The following LARGE1 variants were observed in gnomAD, a reference collection of about 807,000 sequenced individuals.
The protein encoded by LARGE1 is LARGE xylosyl- and glucuronyltransferase 1.
LARGE1 carries 43 observed loss-of-function variants against 87.6 expected under a neutral mutation model. That is an observed-to-expected ratio of 0.49 (90% confidence interval 0.38 to 0.63). LARGE1 has a LOEUF of 0.63. Ranked by LOEUF, LARGE1 falls within the 30% of genes least tolerant of loss-of-function variation. The pLI is 0.00. For missense variants in LARGE1, 802 were observed against 1,000.2 expected, an observed-to-expected ratio of 0.80 and a Z score of 2.67; for synonymous variants, 434 against 394.6, an observed-to-expected ratio of 1.10 and a Z score of -1.18.
At chr22:33,784,745 T>A (rs188739976) in intron 1 of LARGE1, among the ~76,000 whole-genome samples, 1 of 151,998 alleles carries the variant, frequency 6.6e-6, no homozygotes, top group Non-Finnish European at 1.5e-5. Flanking sequence ...TATTTGTACA[T>A]AAACAATATA....
intron 1 of LARGE1, among the ~76,000 whole-genome samples, chr22:33,789,318 C>T (rs1175431849): frequency 6.6e-6 from 1 of 152,168 alleles, no homozygotes; most frequent in African/African-American, 2.4e-5. Context: ...TTTGGGAACC[C>T]CTGCCTGGAT....
intron 11 of LARGE1, among the ~76,000 whole-genome samples, chr22:33,225,095 C>T (rs1213235224): frequency 6.6e-6 from 1 of 152,214 alleles, no homozygotes; most frequent in Non-Finnish European, 1.5e-5. Flanking sequence ...TTGAGAAAGC[C>T]TCTGCTCAGC....
At chr22:33,180,778 G>C (rs1923119051) in intron 11 of LARGE1, among the ~76,000 whole-genome samples, 1 of 152,116 alleles carries the variant, frequency 6.6e-6, no homozygotes, top group South Asian at 2.1e-4. Flanking sequence ...CTGCAACCTG[G>C]ATAACTCTTG....
At chr22:33,196,052 C>A (rs1203763184) in intron 11 of LARGE1, among the ~76,000 whole-genome samples, 1 of 150,604 alleles carries the variant, frequency 6.6e-6, no homozygotes, top group Admixed American at 6.6e-5. Context: ...GCCACCACAC[C>A]TGGCCTAAAA....
intron 11 of LARGE1, among the ~76,000 whole-genome samples, chr22:33,236,871 C>T (rs766535994): frequency 3.9e-5 from 6 of 152,152 alleles, no homozygotes; most frequent in Non-Finnish European, 7.3e-5. Flanking sequence ...CTTAAGTAAG[C>T]GTCCTGGGCC....
chr22:33,602,260 T>C (rs1436479036), intron 5 of LARGE1, among the ~76,000 whole-genome samples: 1 of 152,220 alleles, frequency 6.6e-6, no homozygotes, highest in East Asian at 1.9e-4. Context: ...AAATTAGTTT[T>C]TTCCCAATCA....
At position 33,364,886 on chromosome 22, in the gene LARGE1, G is replaced by A. The variant is rs142734485; in HGVS notation, c.1131+17033C>T. 3.1e-3 allele frequency among the ~76,000 whole-genome samples: 473 copies of A among 151,996 alleles called. 5 individuals carry two copies. Among genetic ancestry groups the A allele is most frequent in the African/African-American group, 0.01 (425 of 41,462 alleles). The stretch of plus-strand genomic sequence containing the variant: ...AATTTTTTATTTTTTGTAGAGACGG[G>A]GGTCTTACTATGTTGCCTAGGCTGG... On this transcript the variant is annotated intron_variant, in intron 9 of 14. Transcript: ENST00000397394.
intron 3 of LARGE1, among the ~76,000 whole-genome samples, chr22:33,633,742 A>G (rs953393179): frequency 6.6e-6 from 1 of 152,228 alleles, no homozygotes. Flanking sequence ...AGACAGGCTC[A>G]GCACAGATTC....
At chr22:33,312,754 G>A (rs1601403344) in intron 11 of LARGE1, among the ~76,000 whole-genome samples, 2 of 152,206 alleles carry the variant, frequency 1.3e-5, no homozygotes, top group African/African-American at 4.8e-5. Flanking sequence ...CTGAGTTTCA[G>A]TTAGCTCACG....
chr22:33,428,318 CTTT>C (rs34881147), intron 7 of LARGE1, among the ~76,000 whole-genome samples: 18 of 132,930 alleles, frequency 1.4e-4, no homozygotes, highest in Admixed American at 1.5e-4. Context: ...TTTGTTATGT[CTTT>C]TTTTTTTTTT....
chr22:33,483,817 C>A (rs1466480910), intron 6 of LARGE1, among the ~76,000 whole-genome samples: 2 of 152,118 alleles, frequency 1.3e-5, no homozygotes, highest in Non-Finnish European at 2.9e-5. Flanking sequence ...AATTGGAGAT[C>A]TGGAAGGAGT....
At chr22:33,750,665 G>A (rs950255346) in intron 2 of LARGE1, 5 of 151,738 alleles carry the variant, frequency 3.3e-5, no homozygotes. Context: ...ATTATCTAAT[G>A]TGGCTTGGGG....
intron 12 of LARGE1, among the ~76,000 whole-genome samples, chr22:33,297,093 T>C (rs544076164): frequency 1.1e-3 from 168 of 152,328 alleles, no homozygotes; most frequent in African/African-American, 3.9e-3. Context: ...GTAATGTCTC[T>C]GGGCAGGCAG....
At chr22:33,414,110 C>A (rs1352144238) in intron 7 of LARGE1, among the ~76,000 whole-genome samples, 4 of 152,010 alleles carry the variant, frequency 2.6e-5, no homozygotes, top group Non-Finnish European at 5.9e-5. Context: ...TTTGGAGGAA[C>A]CGCCATACTG....
At chr22:33,371,096 T>A (rs746613265) in intron 9 of LARGE1, among the ~76,000 whole-genome samples, 11 of 151,126 alleles carry the variant, frequency 7.3e-5, no homozygotes, top group Non-Finnish European at 1.5e-4. Context: ...ATACATATTA[T>A]ATAACATGCA....
chr22:33,825,078 A>T (rs2062741098), intron 1 of LARGE1, among the ~76,000 whole-genome samples: 1 of 152,226 alleles, frequency 6.6e-6, no homozygotes, highest in African/African-American at 2.4e-5. Context: ...TCATTCCAGC[A>T]GTTGATCAGT....
intron 2 of LARGE1, among the ~76,000 whole-genome samples, chr22:33,703,262 T>C (rs1336622827): frequency 6.7e-6 from 1 of 149,904 alleles, no homozygotes; most frequent in East Asian, 2.0e-4. Flanking sequence ...AAAACCCAGA[T>C]GACAGGCTGA....
chr22:33,903,091 C>T (rs2065331153), intron 1 of LARGE1, among the ~76,000 whole-genome samples: 2 of 152,146 alleles, frequency 1.3e-5, no homozygotes, highest in African/African-American at 4.8e-5. Flanking sequence ...GAGATCAAGC[C>T]ATTGCACTGC....
intron 7 of LARGE1, among the ~76,000 whole-genome samples, chr22:33,417,905 C>T (rs1480378044): frequency 6.6e-6 from 1 of 152,226 alleles, no homozygotes; most frequent in Non-Finnish European, 1.5e-5. Flanking sequence ...GTTTCTGTGA[C>T]TTCCCCTTTG....
Sources: allele counts gnomAD v4.1 joint callset (sites outside exome capture counted in the v4.1 genomes callset), GRCh38; gene constraint gnomAD v4.1.1; transcripts MANE v1.5; gene names NCBI Gene and HGNC (gene_info 2026-07-23, HGNC 2026-07-21).